Variants in GLCE observed in about 807,000 individuals in gnomAD.
The protein encoded by GLCE is D-glucuronyl C5-epimerase.
In GLCE, 19 loss-of-function variants were observed where a neutral mutation model predicts 47.9. That is an observed-to-expected ratio of 0.40 (90% CI 0.28 to 0.58). The LOEUF (loss-of-function observed/expected upper bound fraction) is 0.58, where lower values mean the gene tolerates loss of function less well. Among genes scored for constraint, GLCE ranks in the 20% least tolerant of loss-of-function variants. The pLI is 0.48. For synonymous variants in GLCE, 245 were observed against 263.4 expected, an observed-to-expected ratio of 0.93 and a Z score of 0.68; for missense variants, 556 against 743.3, an observed-to-expected ratio of 0.75 and a Z score of 2.93.
chr15:69,168,324 G>A (rs2051535885), intron 1 of GLCE, among the ~76,000 whole-genome samples: 1 of 152,104 alleles, frequency 6.6e-6, no homozygotes, highest in Admixed American at 6.6e-5. Context: ...CCAGGATAGG[G>A]ATTTTTACCC....
At chr15:69,247,321 A>T (rs2052766609) in intron 2 of GLCE, among the ~76,000 whole-genome samples, 2 of 152,210 alleles carry the variant, frequency 1.3e-5, no homozygotes, top group African/African-American at 4.8e-5. Flanking sequence ...AGCCTCTGCT[A>T]GCTTCCAACT....
Position 69,268,997 on chromosome 15 carries a change from C to T in GLCE, c.1607C>T (p.Ser536Phe). Reference protein sequence around the residue: ...AGEKLGKEARSLYERGMESLK... With the variant: ...AGEKLGKEARFLYERGMESLK... ...GAAAAACTCGGAAAAGAAGCAAGGT[C>T]CTTGTATGAGCGTGGCATGGAATCT... Residue 536 changes from serine (S) to phenylalanine (F), a missense_variant, in exon 5 of 5, where the codon TCC becomes TTC. Coordinates refer to ENST00000261858, the MANE Select transcript of GLCE (RefSeq NM_015554.3). The T allele has an allele frequency of 1.9e-6, 3 of 1,614,156 alleles. No homozygotes were observed. Among genetic ancestry groups the T allele is most frequent in the South Asian group, 2.2e-5 (2 of 91,076 alleles).
rs1325997560 is a variant in GLCE, at chr15:69,271,709, A to G, written c.*2465A>G. On this transcript the variant is annotated 3_prime_UTR_variant, in exon 5 of 5. Coordinates refer to ENST00000261858, the MANE Select transcript of GLCE (RefSeq NM_015554.3). ...TTGAGTTCACTTTGATGTTAAATCTATTGCTACTTCAGTTGTAAAACCAGC... is the reference window on the plus strand; with the variant it reads ...TTGAGTTCACTTTGATGTTAAATCTGTTGCTACTTCAGTTGTAAAACCAGC... 1.3e-5 allele frequency: 2 copies of G among 152,402 alleles called. No individual in the cohort carries two copies. Among genetic ancestry groups the G allele is most frequent in the African/African-American group, 4.8e-5 (2 of 41,424 alleles). 9.4% of individuals were successfully genotyped at this position (152,402 alleles called of 1,614,324 possible).
intron 2 of GLCE, among the ~76,000 whole-genome samples, chr15:69,213,237 T>C (rs2140378178): frequency 6.6e-6 from 1 of 152,186 alleles, no homozygotes; most frequent in South Asian, 2.1e-4. Flanking sequence ...CAATAATGAC[T>C]TACTAAAACT....
chr15:69,231,670 A>G (rs144027537), intron 2 of GLCE, among the ~76,000 whole-genome samples: 1 of 151,932 alleles, frequency 6.6e-6, no homozygotes. Context: ...CCCTCATTTC[A>G]TTTTGTTGTT....
At position 69,267,957 on chromosome 15, in the gene GLCE, G is replaced by T. The variant is rs1216455849; in HGVS notation, c.830-263G>T. ...TTGATCAACAATACCTTAGCCATTT[G>T]CTCTCAATCCTCTGCTAGAACCTAG... On this transcript the variant is annotated intron_variant, in intron 4 of 4. Coordinates refer to ENST00000261858, the MANE Select transcript of GLCE (RefSeq NM_015554.3). Among the ~76,000 whole-genome samples the T allele has an allele frequency of 2.0e-5, 3 of 150,000 alleles. No individual in the cohort carries two copies. In the East Asian group the frequency reaches 6.0e-4, roughly 30 times the overall value.
rs1368115114 is a variant in GLCE at position 69,271,581 on chromosome 15, G to A, written c.*2337G>A. The A allele has an allele frequency of 1.3e-5, 2 of 152,202 alleles. No homozygotes were observed. The highest frequency in any genetic ancestry group is 4.8e-5 in the African/African-American group (2 of 41,392). The allele number at this position is 152,202 out of a possible 1,614,324, so 9.4% of individuals were successfully genotyped here. ...AATGTTTACTTATTCTGAGCTTAGAGAGAATGGGGAGGGTATTTTTAAATT... is the reference window on the plus strand; with the variant it reads ...AATGTTTACTTATTCTGAGCTTAGAAAGAATGGGGAGGGTATTTTTAAATT... On this transcript the variant is annotated 3_prime_UTR_variant, in exon 5 of 5. Coordinates refer to ENST00000261858, the MANE Select transcript of GLCE (RefSeq NM_015554.3).
At chr15:69,250,496 C>G (rs2052824177) in intron 2 of GLCE, among the ~76,000 whole-genome samples, 1 of 151,932 alleles carries the variant, frequency 6.6e-6, no homozygotes. Flanking sequence ...TTAACCTTCC[C>G]CTTCTTAGTT....
intron 1 of GLCE, among the ~76,000 whole-genome samples, chr15:69,209,290 G>A (rs933382627): frequency 2.0e-4 from 30 of 151,880 alleles, no homozygotes; most frequent in Admixed American, 3.3e-4. Context: ...TGCAAGTTGA[G>A]TTTTTTTGAT....
chr15:69,224,109 G>A (rs950096912), intron 2 of GLCE, among the ~76,000 whole-genome samples: 1 of 152,070 alleles, frequency 6.6e-6, no homozygotes, highest in East Asian at 1.9e-4. Flanking sequence ...ATACTTTCCT[G>A]TTTCTTTGTA....
At chr15:69,239,285 C>T (rs1301168029) in intron 2 of GLCE, among the ~76,000 whole-genome samples, 1 of 152,092 alleles carries the variant, frequency 6.6e-6, no homozygotes, top group Non-Finnish European at 1.5e-5. Flanking sequence ...CTTTTTCTTT[C>T]TGGGATACAA....
chr15:69,201,383 T>G (rs569314826), intron 1 of GLCE, among the ~76,000 whole-genome samples: 135 of 152,098 alleles, frequency 8.9e-4, no homozygotes, highest in Non-Finnish European at 1.4e-3. Flanking sequence ...CAAATTTTTT[T>G]TAGTGCTTGC....
chr15:69,228,722 T>TG (rs1397430308), intron 2 of GLCE, among the ~76,000 whole-genome samples: 2 of 152,186 alleles, frequency 1.3e-5, no homozygotes, highest in Non-Finnish European at 2.9e-5. Flanking sequence ...GTCAGAGTCT[T>TG]GCTGTGTTAC....
intron 4 of GLCE, among the ~76,000 whole-genome samples, chr15:69,267,232 G>T (rs2053099131): frequency 6.6e-6 from 1 of 152,152 alleles, no homozygotes; most frequent in South Asian, 2.1e-4. Context: ...TTTGACCTCT[G>T]AAGCCAGTGG....
At chr15:69,197,441 A>C in intron 1 of GLCE, 1 of 192,096 alleles carries the variant, frequency 5.2e-6, no homozygotes, top group Non-Finnish European at 1.1e-5. Flanking sequence ...TTTGATGAAT[A>C]AAGATGTGTT....
At chr15:69,184,026 AT>A (rs2140343723) in intron 1 of GLCE, among the ~76,000 whole-genome samples, 1 of 152,336 alleles carries the variant, frequency 6.6e-6, no homozygotes, top group South Asian at 2.1e-4. Context: ...ATGTTGGAGA[AT>A]AGCGACAACT....
intron 2 of GLCE, among the ~76,000 whole-genome samples, chr15:69,234,275 G>A (rs948438207): frequency 2.0e-5 from 3 of 152,040 alleles, no homozygotes; most frequent in Non-Finnish European, 2.9e-5. Flanking sequence ...CATTGCTCCC[G>A]GCCAGAAGAT....
intron 1 of GLCE, among the ~76,000 whole-genome samples, chr15:69,192,708 C>T (rs548080225): frequency 2.0e-5 from 3 of 151,744 alleles, no homozygotes; most frequent in South Asian, 2.1e-4. Flanking sequence ...CAGATAAGTT[C>T]GATCCTTTCA....
intron 2 of GLCE, among the ~76,000 whole-genome samples, chr15:69,233,082 G>T (rs1325553700): frequency 6.6e-6 from 1 of 152,098 alleles, no homozygotes; most frequent in East Asian, 1.9e-4. Flanking sequence ...GGCATTTTAG[G>T]ATAGTTTCTC....
Sources: gnomAD v4.1 joint callset for allele counts (sites outside exome capture counted in the v4.1 genomes callset) on GRCh38, gnomAD v4.1.1 for gene constraint, MANE v1.5 for transcripts, NCBI Gene and HGNC (gene_info 2026-07-23, HGNC 2026-07-21) for gene names.